The following PCDH15 variants were observed in gnomAD, a reference collection of about 807,000 sequenced individuals.
PCDH15 encodes the protein protocadherin related 15.
PCDH15 carries 129 observed loss-of-function variants against 178.5 expected under a neutral mutation model. That is an observed-to-expected ratio of 0.72 (90% confidence interval 0.63 to 0.84). The LOEUF is 0.84. PCDH15 is among the 40% of genes least tolerant of loss of function. PCDH15 has a pLI of 0.00. For missense variants in PCDH15, 2,230 were observed against 2,099.9 expected (o/e 1.06, Z -1.21); for synonymous variants, 800 against 732.0 (o/e 1.09, Z -1.50).
intron 2 of PCDH15, among the ~76,000 whole-genome samples, chr10:55,395,402 C>A (rs1286808314): frequency 2.0e-5 from 3 of 151,972 alleles, no homozygotes; most frequent in Admixed American, 2.0e-4. Context: ...TGATTTCCTC[C>A]TTTATAGATC....
intron 3 of PCDH15, among the ~76,000 whole-genome samples, chr10:54,392,285 C>A (rs1007629405): frequency 0.011 from 1 of 90 alleles, no homozygotes; most frequent in South Asian, 0.17. Context: ...GTCAACATGG[C>A]GAAACCCATC....
chr10:54,406,803 G>T (rs1272011515), intron 3 of PCDH15, among the ~76,000 whole-genome samples: 1 of 152,066 alleles, frequency 6.6e-6, no homozygotes. Context: ...AAACTACAAA[G>T]TATTTAGAAG....
intron 2 of PCDH15, among the ~76,000 whole-genome samples, chr10:54,951,170 T>G (rs1838328263): frequency 1.3e-5 from 2 of 151,864 alleles, no homozygotes; most frequent in Admixed American, 1.3e-4. Context: ...CAGTACAATA[T>G]CATACAGAAC....
chr10:54,268,311 A>G (rs982352461), intron 8 of PCDH15, among the ~76,000 whole-genome samples: 10 of 152,018 alleles, frequency 6.6e-5, no homozygotes, highest in Non-Finnish European at 1.2e-4. Context: ...TAAAACTTTA[A>G]ACTATAAGAA....
chr10:54,683,444 T>G (rs113193968), intron 1 of PCDH15, among the ~76,000 whole-genome samples: 24 of 152,250 alleles, frequency 1.6e-4, no homozygotes, highest in African/African-American at 5.5e-4. Context: ...ATATGAAATT[T>G]GTGCTTTCAA....
intron 3 of PCDH15, among the ~76,000 whole-genome samples, chr10:54,510,062 A>G (rs746282197): frequency 1.3e-5 from 2 of 152,164 alleles, no homozygotes; most frequent in Non-Finnish European, 2.9e-5. Flanking sequence ...TGGCATAAAT[A>G]TACTTTGAAG....
intron 21 of PCDH15, among the ~76,000 whole-genome samples, chr10:53,970,981 A>G (rs2089624131): frequency 6.6e-6 from 1 of 152,176 alleles, no homozygotes; most frequent in South Asian, 2.1e-4. Flanking sequence ...CAGAGACACA[A>G]CAAAAAAAGA....
chr10:55,622,457 G>T (rs1333816741), intron 2 of PCDH15, among the ~76,000 whole-genome samples: 1 of 151,774 alleles, frequency 6.6e-6, no homozygotes, highest in Non-Finnish European at 1.5e-5. Context: ...AAAAAACATA[G>T]TTATATAAAT....
At chr10:55,549,695 T>G (rs1841965878) in intron 2 of PCDH15, among the ~76,000 whole-genome samples, 1 of 152,178 alleles carries the variant, frequency 6.6e-6, no homozygotes, top group Admixed American at 6.6e-5. Context: ...TCCTAATGAC[T>G]TGAAATTGAC....
intron 2 of PCDH15, among the ~76,000 whole-genome samples, chr10:54,604,803 CT>C (rs1176210677): frequency 2.0e-5 from 3 of 150,670 alleles, no homozygotes; most frequent in East Asian, 2.0e-4. Flanking sequence ...TTTCTTGTTC[CT>C]TTTTTTCTTT....
intron 2 of PCDH15, among the ~76,000 whole-genome samples, chr10:55,349,263 C>T (rs1221250073): frequency 6.6e-6 from 1 of 152,098 alleles, no homozygotes; most frequent in East Asian, 1.9e-4. Context: ...GCTAGAAGAC[C>T]CTGCCAACTC....
At chr10:54,017,662 CG>C (rs1026023658) in intron 20 of PCDH15, among the ~76,000 whole-genome samples, 2 of 151,778 alleles carry the variant, frequency 1.3e-5, no homozygotes, top group Admixed American at 6.6e-5. Flanking sequence ...AGTGAAGAAG[CG>C]GGGGTTGAGA....
intron 2 of PCDH15, among the ~76,000 whole-genome samples, chr10:54,623,283 C>A (rs766866626): frequency 1.3e-5 from 2 of 152,126 alleles, no homozygotes; most frequent in African/African-American, 4.8e-5. Flanking sequence ...AGAAGCTCTG[C>A]ATACATCCAT....
intron 28 of PCDH15, among the ~76,000 whole-genome samples, chr10:53,841,480 T>C (rs2077642336): frequency 6.6e-6 from 1 of 152,190 alleles, no homozygotes; most frequent in African/African-American, 2.4e-5. Context: ...CTTGCTCGAC[T>C]GAAAGTATAT....
chr10:53,951,999 G>A (rs2087108839), intron 23 of PCDH15, among the ~76,000 whole-genome samples: 1 of 152,224 alleles, frequency 6.6e-6, no homozygotes, highest in African/African-American at 2.4e-5. Flanking sequence ...TTCCACTGAA[G>A]GCACCCATGT....
At chr10:54,708,801 T>TGCGCGC (rs58888332) in intron 1 of PCDH15, among the ~76,000 whole-genome samples, 9 of 125,568 alleles carry the variant, frequency 7.2e-5, no homozygotes, top group African/African-American at 2.6e-4. Context: ...TGTGTGTGTG[T>TGCGCGC]GCGCGCGCGT....
At chr10:55,249,860 T>G (rs1841788055) in intron 1 of PCDH15, among the ~76,000 whole-genome samples, 1 of 151,990 alleles carries the variant, frequency 6.6e-6, no homozygotes, top group Non-Finnish European at 1.5e-5. Context: ...TATTCATAAT[T>G]TAAAAGAAAG....
chr10:55,197,334 T>C (rs1218738780), intron 1 of PCDH15, among the ~76,000 whole-genome samples: 1 of 152,074 alleles, frequency 6.6e-6, no homozygotes, highest in African/African-American at 2.4e-5. Flanking sequence ...CAGCATCTTT[T>C]TGCTCTAAAA....
intron 13 of PCDH15, among the ~76,000 whole-genome samples, chr10:54,174,768 C>T (rs1293016449): frequency 2.3e-5 from 3 of 129,076 alleles, no homozygotes; most frequent in African/African-American, 5.8e-5. Context: ...TGCAATGGCG[C>T]GATCTTGGCT....
Sources: allele counts gnomAD v4.1 joint callset (sites outside exome capture counted in the v4.1 genomes callset), GRCh38; gene constraint gnomAD v4.1.1; transcripts MANE v1.5; gene names NCBI Gene and HGNC (gene_info 2026-07-23, HGNC 2026-07-21).